Variants in FNIP2 observed in about 807,000 individuals in gnomAD.
FNIP2 encodes the protein folliculin-interacting protein 2.
FNIP2 carries 32 observed loss-of-function variants against 108.7 expected under a neutral mutation model. The observed-to-expected ratio is 0.29, with a 90% CI of 0.22 to 0.40. The LOEUF is 0.40. Ranked by LOEUF, FNIP2 falls within the 10% of genes least tolerant of loss-of-function variation. The pLI, the probability that FNIP2 is intolerant of heterozygous loss-of-function variation, is 1.00. For synonymous variants in FNIP2, 480 were observed against 496.7 expected (o/e 0.97, Z 0.45); for missense variants, 1,202 against 1,381.6 (o/e 0.87, Z 2.06).
chr4:158,831,825 C>A, intron 3 of FNIP2, 36 bp from the exon 4 acceptor site: 1 of 1,338,980 alleles, frequency 7.5e-7, no homozygotes, highest in Non-Finnish European at 1.1e-6. Context: ...TGTCATGTTC[C>A]ATGTACTAAC....
intron 7 of FNIP2, among the ~76,000 whole-genome samples, chr4:158,845,893 G>T: frequency 6.6e-6 from 1 of 152,302 alleles, no homozygotes; most frequent in African/African-American, 2.4e-5. Flanking sequence ...AATATAAACT[G>T]TCTCATTTGC....
chr4:158,896,332 T>TGGC, intron 16 of FNIP2, among the ~76,000 whole-genome samples: 1 of 152,252 alleles, frequency 6.6e-6, no homozygotes, highest in South Asian at 2.1e-4. Context: ...GGACAGTGCT[T>TGGC]TCCTTCCTTT....
Position 158,868,599 on chromosome 4 carries a change from A to C in FNIP2, c.1963A>C (p.Lys655Gln). 1 of 1,613,710 alleles carries C rather than the reference A, an allele frequency of 6.2e-7. No individual in the cohort carries two copies. Among genetic ancestry groups the C allele is most frequent in the East Asian group, 2.2e-5 (1 of 44,876 alleles). Residue 655 changes from lysine (K) to glutamine (Q), a missense_variant, in exon 13 of 17, where the codon AAA (lysine) becomes CAA (glutamine). Lys to Gln is a moderately conservative substitution (Grantham distance 53). Coordinates refer to ENST00000264433, the MANE Select transcript of FNIP2 (RefSeq NM_020840.3). This position sits in a 1 kb window ranked among gnomAD's most constrained non-coding sequence, Gnocchi z 4.6. ...TGCATTTTGTGGGGATGAGAAAAAT[A>C]AAGAGGCACCGCAAGATGGCTCTTC... ...QNAFCGDEKN[K>Q]EAPQDGSSRL... is the part of the protein sequence containing the mutation.
At chr4:158,840,427 G>A (rs947742984) in intron 7 of FNIP2, among the ~76,000 whole-genome samples, 4 of 151,664 alleles carry the variant, frequency 2.6e-5, no homozygotes, top group Non-Finnish European at 5.9e-5. Flanking sequence ...ACAAGGTTTC[G>A]CTTTGTCACC....
At chr4:158,844,674 T>C (rs572470841) in intron 7 of FNIP2, among the ~76,000 whole-genome samples, 7 of 152,344 alleles carry the variant, frequency 4.6e-5, no homozygotes, top group African/African-American at 1.7e-4. Context: ...GTGCAGGCAC[T>C]TAGTAAGTGT....
chr4:158,818,905 T>C (rs1448009877), intron 1 of FNIP2, among the ~76,000 whole-genome samples: 1 of 152,182 alleles, frequency 6.6e-6, no homozygotes, highest in Non-Finnish European at 1.5e-5. Context: ...AGAAGCCCTG[T>C]TTACCCTGGT....
At chr4:158,800,488 C>T (rs1776724867) in intron 1 of FNIP2, among the ~76,000 whole-genome samples, 2 of 152,134 alleles carry the variant, frequency 1.3e-5, no homozygotes, top group Non-Finnish European at 2.9e-5. Context: ...TGTTTTGCCT[C>T]TGATGATTCT....
At chr4:158,885,376 G>T (rs1578980736) in intron 14 of FNIP2, among the ~76,000 whole-genome samples, 1 of 152,190 alleles carries the variant, frequency 6.6e-6, no homozygotes, top group Non-Finnish European at 1.5e-5. Flanking sequence ...GTGAAGAGCT[G>T]TAAGTGTGGA....
chr4:158,813,366 C>A (rs962531234), intron 1 of FNIP2, among the ~76,000 whole-genome samples: 1 of 152,216 alleles, frequency 6.6e-6, no homozygotes, highest in Admixed American at 6.5e-5. Flanking sequence ...GTGTTCCAGA[C>A]TTTGGCCATT....
rs1030272172 is a variant in FNIP2 at position 158,898,219 on chromosome 4, C to T, written c.3266+2354C>T. 2.2e-4 allele frequency among the ~76,000 whole-genome samples: 33 copies of T among 152,284 alleles called. No homozygotes were observed. The East Asian group carries it at 3.1e-3, about 14-fold the overall frequency. On this transcript the variant is annotated intron_variant, in intron 16 of 16. Transcript: ENST00000264433. Reference sequence around the variant, plus strand: ...TGTATATCTGTTTTGGTACCAATACCGTGCTGTTTTGGTTACCGTAGCCTT... The same window carrying T: ...TGTATATCTGTTTTGGTACCAATACTGTGCTGTTTTGGTTACCGTAGCCTT...
chr4:158,879,695 C>G (rs900592487), intron 14 of FNIP2, among the ~76,000 whole-genome samples: 2 of 150,276 alleles, frequency 1.3e-5, no homozygotes, highest in African/African-American at 5.0e-5. Context: ...ATCTACCCAT[C>G]TGACAAAGGG....
Position 158,829,075 on chromosome 4 carries a change from C to T in FNIP2, c.235-4C>T. Reference sequence around the variant, plus strand: ...TTTTACCTTGCCTGTCTCTCTTAACCTAGAAAACAGAGGATGTTCCTATTA... The same window carrying T: ...TTTTACCTTGCCTGTCTCTCTTAACTTAGAAAACAGAGGATGTTCCTATTA... On this transcript the variant is annotated splice_polypyrimidine_tract_variant and splice_region_variant and intron_variant, in intron 2 of 16. Transcript: ENST00000264433. 3.1e-6 allele frequency: 5 copies of T among 1,601,314 alleles called. No homozygotes were observed. The highest frequency in any genetic ancestry group is 3.4e-6 in the Non-Finnish European group (4 of 1,173,524).
At chr4:158,816,178 G>A (rs1052580148) in intron 1 of FNIP2, among the ~76,000 whole-genome samples, 10 of 151,516 alleles carry the variant, frequency 6.6e-5, no homozygotes, top group African/African-American at 2.4e-4. Context: ...TCTTGCAAAC[G>A]AGAGACCTTA....
At chr4:158,872,137 T>C (rs1780987284) in intron 14 of FNIP2, 2 of 985,296 alleles carry the variant, frequency 2.0e-6, no homozygotes, top group Non-Finnish European at 2.4e-6. Flanking sequence ...ACTAATGGGA[T>C]TGTCCTCAGT....
chr4:158,817,061 A>G (rs1464639096), intron 1 of FNIP2, among the ~76,000 whole-genome samples: 1 of 152,138 alleles, frequency 6.6e-6, no homozygotes, highest in Non-Finnish European at 1.5e-5. Context: ...GATTCAAGCG[A>G]TCCTCCTGCC....
chr4:158,879,180 A>G lies in FNIP2; in HGVS notation c.2949+8711A>G, dbSNP rs1004867505. 2.0e-5 allele frequency among the ~76,000 whole-genome samples: 3 copies of G among 150,596 alleles called. 1 individual carries two copies. The highest frequency in any genetic ancestry group is 7.4e-5 in the African/African-American group (3 of 40,434). On this transcript the variant is annotated intron_variant, in intron 14 of 16. Coordinates refer to ENST00000264433, the MANE Select transcript of FNIP2 (RefSeq NM_020840.3). ...GGTTAAGTAAGCACACTGACTCCCAAGTAGGGAGAATATTAACAAATTCAC... is the reference window on the plus strand; with the variant it reads ...GGTTAAGTAAGCACACTGACTCCCAGGTAGGGAGAATATTAACAAATTCAC...
intron 1 of FNIP2, among the ~76,000 whole-genome samples, chr4:158,805,388 T>A (rs930914529): frequency 6.6e-6 from 1 of 152,160 alleles, no homozygotes; most frequent in African/African-American, 2.4e-5. Context: ...TCTGTAGCAT[T>A]GTTCTCCTTT....
Position 158,907,016 on chromosome 4 carries a change from A to G in FNIP2, c.*2472A>G, listed in dbSNP as rs1729902241. Reference sequence around the variant, plus strand: ...GGATTCCACCTTTAGGGTTTCTTCAACTTTTAAGTCTTACCTGTTGAGTGT... The same window carrying G: ...GGATTCCACCTTTAGGGTTTCTTCAGCTTTTAAGTCTTACCTGTTGAGTGT... On this transcript the variant is annotated 3_prime_UTR_variant, in exon 17 of 17. Transcript: ENST00000264433. The G allele has an allele frequency of 2.0e-5, 3 of 152,228 alleles. No individual in the cohort carries two copies. The highest frequency in any genetic ancestry group is 7.2e-5 in the African/African-American group (3 of 41,460). The allele number at this position is 152,228 out of a possible 1,614,324, so 9.4% of individuals were successfully genotyped here. A position where few individuals can be genotyped will look rare whatever the true frequency, so the allele number is the denominator to read the frequency against.
In FNIP2 at chr4:158,851,467, C is replaced by T. The variant is rs879105577; in HGVS notation, c.857+17C>T. On this transcript the variant is annotated intron_variant, in intron 8 of 16. Coordinates refer to ENST00000264433, the MANE Select transcript of FNIP2 (RefSeq NM_020840.3). ...CCCAAGAAGGTGAGTTGCAAGTTTC[C>T]TCTTGCTGAGAAAAGTAGGAGTGTA... The T allele has an allele frequency of 6.2e-7, 1 of 1,613,678 alleles. No individual in the cohort carries two copies. Among genetic ancestry groups the T allele is most frequent in the Non-Finnish European group, 8.5e-7 (1 of 1,179,750 alleles).
Sources: gnomAD v4.1 joint callset for allele counts (sites outside exome capture counted in the v4.1 genomes callset) on GRCh38, gnomAD v4.1.1 for gene constraint, Gnocchi (gnomAD v3.1) non-coding constraint, MANE v1.5 for transcripts, NCBI Gene and HGNC (gene_info 2026-07-23, HGNC 2026-07-21) for gene names.